NUMB: variants seen among roughly 807,000 people sequenced by gnomAD.
The protein encoded by NUMB is protein numb homolog.
NUMB carries 29 observed loss-of-function variants against 59.7 expected under a neutral mutation model. The observed-to-expected ratio is 0.49, with a 90% CI of 0.36 to 0.66. The LOEUF (loss-of-function observed/expected upper bound fraction) is 0.66. NUMB is among the 30% of genes least tolerant of loss of function. The probability of loss-of-function intolerance (pLI) is 0.00; values close to 1 mark genes in which losing one functional copy is unlikely to be tolerated. For synonymous variants in NUMB, 288 were observed against 288.2 expected (o/e 1.00, Z 0.01); for missense variants, 723 against 822.0 (o/e 0.88, Z 1.47).
chr14:73,444,398 C>CAA (rs568526693), intron 1 of NUMB, among the ~76,000 whole-genome samples: 3,191 of 70,854 alleles, frequency 0.045, 175 homozygotes, highest in African/African-American at 0.15. Context: ...GACTCCATCT[C>CAA]AAAAAAAAAA....
intron 2 of NUMB, among the ~76,000 whole-genome samples, chr14:73,392,792 T>C (rs188535886): frequency 4.0e-4 from 61 of 151,612 alleles, no homozygotes; most frequent in African/African-American, 1.5e-3. Context: ...AAACCAGATT[T>C]AGGAACCATC....
At chr14:73,387,993 C>T (rs1262790535) in intron 2 of NUMB, among the ~76,000 whole-genome samples, 1 of 150,548 alleles carries the variant, frequency 6.6e-6, no homozygotes, top group Non-Finnish European at 1.5e-5. Flanking sequence ...CTGGTATGCA[C>T]CTATAGCTCC....
intron 4 of NUMB, among the ~76,000 whole-genome samples, chr14:73,346,499 T>A (rs1346249677): frequency 6.6e-6 from 1 of 151,598 alleles, no homozygotes; most frequent in Non-Finnish European, 1.5e-5. Flanking sequence ...AAAAAAAAAT[T>A]TATCTCTGTT....
intron 6 of NUMB, among the ~76,000 whole-genome samples, chr14:73,310,226 G>A (rs1158695496): frequency 1.3e-5 from 2 of 152,132 alleles, no homozygotes; most frequent in East Asian, 1.9e-4. Context: ...GGATTGTGGC[G>A]AATAGGCAAA....
At chr14:73,352,194 C>T (rs1056316671) in intron 4 of NUMB, among the ~76,000 whole-genome samples, 1 of 151,320 alleles carries the variant, frequency 6.6e-6, no homozygotes, top group African/African-American at 2.4e-5. Context: ...CTTTACCATT[C>T]TTTCCTCTTG....
intron 2 of NUMB, among the ~76,000 whole-genome samples, chr14:73,408,743 G>A (rs965343997): frequency 1.8e-4 from 27 of 152,068 alleles, no homozygotes; most frequent in African/African-American, 6.3e-4. Flanking sequence ...CGGGTGTGGT[G>A]GCACAAGCCT....
chr14:73,418,057 A>G lies in NUMB; in HGVS notation c.-232-7989T>C, dbSNP rs538065159. ...GAGGCGGAGGTCACAGTGAGCTGAGATCATGCCACTGTACTCCAGCCTGGG... is the reference window on the plus strand; with the variant it reads ...GAGGCGGAGGTCACAGTGAGCTGAGGTCATGCCACTGTACTCCAGCCTGGG... On this transcript the variant is annotated intron_variant, in intron 1 of 12. Coordinates refer to ENST00000555238, the MANE Select transcript of NUMB (RefSeq NM_001005743.2). Among the ~76,000 whole-genome samples the G allele has an allele frequency of 2.6e-5, 4 of 151,738 alleles. No homozygotes were observed. In the South Asian group the frequency reaches 8.3e-4, roughly 32 times the overall value.
intron 2 of NUMB, among the ~76,000 whole-genome samples, chr14:73,371,484 G>A (rs1345739962): frequency 2.6e-5 from 4 of 151,794 alleles, no homozygotes; most frequent in Admixed American, 6.6e-5. Context: ...GCAGTGAGCC[G>A]AGATTGCGCC....
At chr14:73,338,116 C>T (rs1056629558) in intron 4 of NUMB, among the ~76,000 whole-genome samples, 1 of 151,932 alleles carries the variant, frequency 6.6e-6, no homozygotes, top group Non-Finnish European at 1.5e-5. Flanking sequence ...GAGACCCCCC[C>T]ACCCCCAACC....
intron 4 of NUMB, among the ~76,000 whole-genome samples, chr14:73,343,089 A>G (rs1892724613): frequency 6.6e-6 from 1 of 151,608 alleles, no homozygotes; most frequent in Non-Finnish European, 1.5e-5. Context: ...TTGGCCTCCC[A>G]AAGTGCTGGG....
intron 1 of NUMB, among the ~76,000 whole-genome samples, chr14:73,451,175 C>CAAAA (rs1209954055): frequency 7.7e-5 from 8 of 104,152 alleles, no homozygotes; most frequent in South Asian, 3.4e-4. Context: ...AAAAAAAAAA[C>CAAAA]AAAAAACAAA....
rs1306639010 is a variant in NUMB at position 73,438,711 on chromosome 14, C to T, written c.-233+19782G>A. On this transcript the variant is annotated intron_variant, in intron 1 of 12. Transcript: ENST00000555238. ...ATATTATATGATGTTGTTTAAAAAG[C>T]AGCCTCCAAAATTATCTATATAGTA... Among the ~76,000 whole-genome samples, 4 of 147,632 alleles carry T rather than the reference C, an allele frequency of 2.7e-5. No individual in the cohort carries two copies. In the South Asian group the frequency reaches 6.5e-4, roughly 24 times the overall value.
At chr14:73,414,391 T>C (rs1897029765) in intron 1 of NUMB, among the ~76,000 whole-genome samples, 1 of 152,164 alleles carries the variant, frequency 6.6e-6, no homozygotes, top group Non-Finnish European at 1.5e-5. Flanking sequence ...TTTCAGATAA[T>C]GTTGCAGGGG....
rs1170959840 is a variant in NUMB at position 73,352,477 on chromosome 14, CATATATATATATATAT to C, written c.126+3133_126+3148del. Among the ~76,000 whole-genome samples, 78 of 12,692 alleles carry C rather than the reference CATATATATATATATAT, an allele frequency of 6.1e-3. 7 individuals carry two copies. Among genetic ancestry groups the C allele is most frequent in the South Asian group, 0.027 (4 of 148 alleles). 8.3% of individuals were successfully genotyped at this position (12,692 alleles called of 152,430 possible). On this transcript the variant is annotated intron_variant, in intron 4 of 12. Coordinates refer to ENST00000555238, the MANE Select transcript of NUMB (RefSeq NM_001005743.2). ...ACACACATACACACACACACACACA[CATATATATATATATAT>C]ATATATATATATATATATATATATA...
At chr14:73,335,302 C>T (rs200596074) in intron 4 of NUMB, among the ~76,000 whole-genome samples, 4 of 100,212 alleles carry the variant, frequency 4.0e-5, no homozygotes, top group East Asian at 2.9e-4. Context: ...GCCAAAAAGA[C>T]AAAAAAAAAA....
At chr14:73,351,605 A>AAG (rs1893271987) in intron 4 of NUMB, among the ~76,000 whole-genome samples, 1 of 152,202 alleles carries the variant, frequency 6.6e-6, no homozygotes, top group Non-Finnish European at 1.5e-5. Flanking sequence ...GAAGATGAAA[A>AAG]AGTTCTGGAG....
chr14:73,277,659 G>A (rs2139787235), intron 12 of NUMB, among the ~76,000 whole-genome samples: 1 of 152,224 alleles, frequency 6.6e-6, no homozygotes, highest in Middle Eastern at 3.4e-3. Flanking sequence ...CTACTTGTGA[G>A]GCTGAGGCAG....
intron 8 of NUMB, among the ~76,000 whole-genome samples, chr14:73,289,538 A>C (rs1447562877): frequency 6.6e-6 from 1 of 151,676 alleles, no homozygotes; most frequent in African/African-American, 2.4e-5. Flanking sequence ...AGCTGCTCCT[A>C]CACACGGCTC....
intron 2 of NUMB, among the ~76,000 whole-genome samples, chr14:73,372,317 A>ATATATATATATATATATAACCTTT (rs1894729123): frequency 8.4e-5 from 9 of 107,698 alleles, no homozygotes; most frequent in African/African-American, 2.6e-4. Context: ...ATATATATAT[A>ATATATATATATATATATAACCTTT]TATATATATA....
Sources: gnomAD v4.1 joint callset for allele counts (sites outside exome capture counted in the v4.1 genomes callset) on GRCh38, gnomAD v4.1.1 for gene constraint, MANE v1.5 for transcripts, NCBI Gene and HGNC (gene_info 2026-07-23, HGNC 2026-07-21) for gene names.